EPS15L1: variants seen among roughly 807,000 people sequenced by gnomAD.
EPS15L1 encodes the protein epidermal growth factor receptor substrate 15-like 1.
EPS15L1 carries 43 observed loss-of-function variants against 117.1 expected under a neutral mutation model. The ratio of observed to expected loss-of-function variants is 0.37; its 90% confidence interval spans 0.29 to 0.47. The LOEUF (loss-of-function observed/expected upper bound fraction) is 0.47, where lower values mean the gene tolerates loss of function less well. Among genes scored for constraint, EPS15L1 ranks in the 20% least tolerant of loss-of-function variants. EPS15L1 has a pLI of 0.99. For synonymous variants in EPS15L1, 459 were observed against 470.5 expected (o/e 0.98, Z 0.32); for missense variants, 981 against 1,164.0 (o/e 0.84, Z 2.29).
At chr19:16,415,243 C>T (rs964389579) in intron 12 of EPS15L1, among the ~76,000 whole-genome samples, 43 of 152,172 alleles carry the variant, frequency 2.8e-4, no homozygotes, top group Non-Finnish European at 4.3e-4. Context: ...CCTCAGCAGA[C>T]CCGATCTGCC....
chr19:16,466,903 CAA>C (rs1317502176), intron 1 of EPS15L1, among the ~76,000 whole-genome samples: 29 of 71,384 alleles, frequency 4.1e-4, no homozygotes, highest in African/African-American at 3.8e-4. Flanking sequence ...AACTCTGTCT[CAA>C]AAAAAAAAAA....
At position 16,365,002 on chromosome 19, in the gene EPS15L1, C is replaced by T. The variant is rs958789672; in HGVS notation, c.2381-3018G>A. On this transcript the variant is annotated intron_variant, in intron 22 of 23. Transcript: ENST00000455140. The surrounding 1 kb of genome is among the most constrained non-coding windows in gnomAD (Gnocchi z 4.9). Reference sequence around the variant, plus strand: ...CCCCAGTCTTGTCCAGGTGGCACCTCCTTCCCCAGGAACCCCCAAACCCAG... The same window carrying T: ...CCCCAGTCTTGTCCAGGTGGCACCTTCTTCCCCAGGAACCCCCAAACCCAG... Among the ~76,000 whole-genome samples the T allele has an allele frequency of 6.6e-6, 1 of 152,246 alleles. No individual in the cohort carries two copies. Among genetic ancestry groups the T allele is most frequent in the Non-Finnish European group, 1.5e-5 (1 of 68,040 alleles).
chr19:16,417,468 G>C, intron 12 of EPS15L1, 84 bp downstream of exon 12: 1 of 1,199,634 alleles, frequency 8.3e-7, no homozygotes, highest in South Asian at 1.3e-5. Flanking sequence ...CAAACTTCCA[G>C]GTGAGCCTCT....
Position 16,355,587 on chromosome 19 carries a change from C to G in EPS15L1, c.*118G>C. Reference sequence around the variant, plus strand: ...CGAGTCTGCTCACCCTGAACAAGCCCCCGAGTCCCGGTCCTTGGAGTACGG... The same window carrying G: ...CGAGTCTGCTCACCCTGAACAAGCCGCCGAGTCCCGGTCCTTGGAGTACGG... On this transcript the variant is annotated 3_prime_UTR_variant, in exon 24 of 24. Coordinates refer to ENST00000455140, the MANE Select transcript of EPS15L1 (RefSeq NM_001258374.3). The G allele has an allele frequency of 9.1e-6, 12 of 1,313,712 alleles. No homozygotes were observed. Among genetic ancestry groups the G allele is most frequent in the Non-Finnish European group, 1.2e-5 (12 of 974,838 alleles). The allele number at this position is 1,313,712 out of a possible 1,614,324, so 81.4% of individuals were successfully genotyped here.
intron 12 of EPS15L1, among the ~76,000 whole-genome samples, chr19:16,414,664 A>G (rs1396881259): frequency 2.0e-5 from 3 of 147,884 alleles, no homozygotes; most frequent in East Asian, 4.0e-4. Context: ...CTCCCAAAGT[A>G]CTGGAATTAT....
chr19:16,451,228 G>A (rs1229215110), intron 1 of EPS15L1, among the ~76,000 whole-genome samples: 1 of 152,200 alleles, frequency 6.6e-6, no homozygotes, highest in East Asian at 1.9e-4. Context: ...TGGGATTACA[G>A]GCGTGAGCCA....
At chr19:16,413,054 G>C (rs1295794117) in intron 13 of EPS15L1, 1 of 725,628 alleles carries the variant, frequency 1.4e-6, no homozygotes, top group Non-Finnish European at 2.4e-6. Flanking sequence ...GCGCCGGCCA[G>C]TGCACCAGGT....
At chr19:16,435,561 G>C (rs1302159268) in intron 6 of EPS15L1, among the ~76,000 whole-genome samples, 1 of 152,032 alleles carries the variant, frequency 6.6e-6, no homozygotes, top group African/African-American at 2.4e-5. Context: ...CAAAAACCAA[G>C]ACAGAGCCCT....
At chr19:16,359,496 G>A (rs1218909683) in intron 23 of EPS15L1, among the ~76,000 whole-genome samples, 1 of 152,148 alleles carries the variant, frequency 6.6e-6, no homozygotes, top group Non-Finnish European at 1.5e-5. Flanking sequence ...CCTTCAGAGT[G>A]GCTGAAGTAC....
chr19:16,443,111 G>A (rs2093048816), intron 1 of EPS15L1, among the ~76,000 whole-genome samples: 1 of 152,186 alleles, frequency 6.6e-6, no homozygotes, highest in African/African-American at 2.4e-5. Flanking sequence ...GGTGAAAAAA[G>A]AGCACACAAA....
At chr19:16,373,887 C>T (rs2092259061) in intron 22 of EPS15L1, among the ~76,000 whole-genome samples, 1 of 152,332 alleles carries the variant, frequency 6.6e-6, no homozygotes, top group African/African-American at 2.4e-5. Flanking sequence ...CAAGCTCAAA[C>T]GGCAACCACC....
chr19:16,469,843 C>T (rs574928366), intron 1 of EPS15L1, among the ~76,000 whole-genome samples: 1 of 152,068 alleles, frequency 6.6e-6, no homozygotes, highest in Non-Finnish European at 1.5e-5. Context: ...CTTTTGCCCC[C>T]AACCAAAAAT....
At chr19:16,446,845 C>T (rs1192983644) in intron 1 of EPS15L1, among the ~76,000 whole-genome samples, 3 of 152,150 alleles carry the variant, frequency 2.0e-5, no homozygotes, top group Non-Finnish European at 2.9e-5. Flanking sequence ...GACTTGAAAG[C>T]CAGTGTTTTC....
Position 16,392,461 on chromosome 19 carries a change from T to TAAG in EPS15L1, c.1967-24_1967-22dup, listed in dbSNP as rs1313016290. On this transcript the variant is annotated intron_variant, in intron 18 of 23. Coordinates refer to ENST00000455140, the MANE Select transcript of EPS15L1 (RefSeq NM_001258374.3). ...TGGATCTAGAAGGAAAAATGCCCCA[T>TAAG]AAGTAAACATTATACCAAGTGAAAG... 1.9e-6 allele frequency: 3 copies of TAAG among 1,611,412 alleles called. No homozygotes were observed. In the East Asian group the frequency reaches 6.7e-5, roughly 36 times the overall value.
Position 16,418,056 on chromosome 19 carries a change from G to A in EPS15L1, c.999C>T (p.Phe333=), listed in dbSNP as rs746159746. 1.2e-5 allele frequency: 20 copies of A among 1,614,066 alleles called. No homozygotes were observed. Among genetic ancestry groups the A allele is most frequent in the South Asian group, 2.2e-5 (2 of 91,092 alleles). ...RQTGKLSKDQ[F]ALAMYFIQQK... ...GCTGAATGAAATACATAGCTAACGC[G>A]AATTGGTCTTTGCTTAACTTCCCCG... Residue 333 remains phenylalanine (F), a synonymous_variant, in exon 11 of 24, where the codon TTC becomes TTT. Transcript: ENST00000455140.
intron 21 of EPS15L1, 143 bp from the exon 22 acceptor site, chr19:16,377,397 TG>T (rs2092310077): frequency 1.1e-6 from 1 of 891,678 alleles, no homozygotes. Context: ...TGCTTGGACG[TG>T]GGGTCTCTTT....
At chr19:16,368,174 C>T (rs766366083) in intron 22 of EPS15L1, among the ~76,000 whole-genome samples, 9 of 152,180 alleles carry the variant, frequency 5.9e-5, no homozygotes, top group Non-Finnish European at 1.3e-4. Flanking sequence ...CTATACAACA[C>T]AGAACGATCA....
At chr19:16,417,375 A>C in intron 12 of EPS15L1, 177 bp downstream of exon 12, 1 of 608,408 alleles carries the variant, frequency 1.6e-6, no homozygotes, top group South Asian at 1.9e-5. Flanking sequence ...CAAATGGAAG[A>C]TGTCATTCTT....
At chr19:16,427,947 T>C (rs1003727435) in intron 8 of EPS15L1, among the ~76,000 whole-genome samples, 17 of 150,914 alleles carry the variant, frequency 1.1e-4, no homozygotes, top group Non-Finnish European at 4.4e-5. Context: ...CTCACGCCTG[T>C]AATCCCAGCA....
Sources: allele counts gnomAD v4.1 joint callset (sites outside exome capture counted in the v4.1 genomes callset), GRCh38; gene constraint gnomAD v4.1.1; non-coding constraint Gnocchi (gnomAD v3.1); transcripts MANE v1.5; gene names NCBI Gene and HGNC (gene_info 2026-07-23, HGNC 2026-07-21).